USH2A: variants seen among roughly 807,000 people sequenced by gnomAD.
USH2A encodes Usher syndrome 2A (autosomal recessive, mild).
USH2A carries 443 observed loss-of-function variants against 538.9 expected under a neutral mutation model. The ratio of observed to expected loss-of-function variants is 0.82; its 90% confidence interval spans 0.76 to 0.89. The LOEUF is 0.89. USH2A is among the 40% of genes least tolerant of loss of function. The probability of loss-of-function intolerance (pLI) is 0.00; values close to 1 mark genes in which losing one functional copy is unlikely to be tolerated. For synonymous variants in USH2A, 2,413 were observed against 2,273.5 expected (o/e 1.06, Z -1.75); for missense variants, 6,633 against 6,324.8 (o/e 1.05, Z -1.65).
At position 216,175,305 on chromosome 1, in the gene USH2A, T is replaced by C. The variant is rs1176557166; in HGVS notation, c.4574A>G (p.Asn1525Ser). The C allele has an allele frequency of 6.2e-7, 1 of 1,613,776 alleles. No homozygotes were observed. The highest frequency in any genetic ancestry group is 2.2e-5 in the East Asian group (1 of 44,782). ...GGAGCTGGGAAATTTACAATACCCATTTCCTATGAAACGGATTCCTTTCAT... is the reference window on the plus strand; with the variant it reads ...GGAGCTGGGAAATTTACAATACCCACTTCCTATGAAACGGATTCCTTTCAT... ...TMMKGIRFIG[N>S]GYCKFPSSTH... The change falls in exon 21 of 72, where the codon AAT becomes AGT. Residue 1525 changes from asparagine to serine, a missense_variant. Coordinates refer to ENST00000307340, the MANE Select transcript of USH2A (RefSeq NM_206933.4).
At chr1:216,111,510 TC>T (rs2032869614) in intron 21 of USH2A, among the ~76,000 whole-genome samples, 1 of 152,090 alleles carries the variant, frequency 6.6e-6, no homozygotes, top group Non-Finnish European at 1.5e-5. Context: ...TAAAGCATGT[TC>T]TTTGACTCAT....
chr1:216,190,458 C>A, intron 19 of USH2A, 91 bp from the exon 20 acceptor site: 4 of 1,514,842 alleles, frequency 2.6e-6, no homozygotes, highest in Non-Finnish European at 2.7e-6. Context: ...TCCATGAATT[C>A]AGACAGAGGG....
intron 38 of USH2A, among the ~76,000 whole-genome samples, chr1:215,930,636 C>T (rs1293022257): frequency 6.6e-6 from 1 of 151,922 alleles, no homozygotes; most frequent in East Asian, 1.9e-4. Flanking sequence ...GATCAATTGC[C>T]AATCCATACA....
chr1:215,951,264 C>T (rs1666905412), intron 37 of USH2A, among the ~76,000 whole-genome samples: 1 of 152,190 alleles, frequency 6.6e-6, no homozygotes, highest in Admixed American at 6.5e-5. Context: ...TCTTTGTTCT[C>T]ATTGGTTTCA....
chr1:215,774,876 A>T (rs1661414421), intron 55 of USH2A, among the ~76,000 whole-genome samples: 1 of 152,166 alleles, frequency 6.6e-6, no homozygotes, highest in Non-Finnish European at 1.5e-5. Flanking sequence ...TTAAAACACA[A>T]AAAAGTGGTT....
At chr1:216,048,745 G>A in intron 30 of USH2A, 98 bp from the exon 31 acceptor site, 4 of 1,029,158 alleles carry the variant, frequency 3.9e-6, no homozygotes, top group Non-Finnish European at 4.6e-6. Flanking sequence ...AAGAGAGAGA[G>A]ACAAAAACAA....
chr1:215,851,635 A>G (rs1664017589), intron 44 of USH2A, among the ~76,000 whole-genome samples: 2 of 152,178 alleles, frequency 1.3e-5, no homozygotes, highest in Non-Finnish European at 2.9e-5. Flanking sequence ...TACCAATCAT[A>G]TTGACACTAT....
chr1:216,105,936 T>G (rs2032719639), intron 21 of USH2A, among the ~76,000 whole-genome samples: 1 of 151,776 alleles, frequency 6.6e-6, no homozygotes, highest in Admixed American at 6.6e-5. Flanking sequence ...AACATTGTAT[T>G]CTGCAATCTT....
chr1:216,217,678 G>T, intron 14 of USH2A, 128 bp from the exon 15 acceptor site: 1 of 1,071,140 alleles, frequency 9.3e-7, no homozygotes, highest in Non-Finnish European at 1.4e-6. Flanking sequence ...TGAAAAGAAT[G>T]CTTGAGCTAA....
intron 21 of USH2A, among the ~76,000 whole-genome samples, chr1:216,154,529 T>A (rs1164124418): frequency 6.6e-6 from 1 of 152,184 alleles, no homozygotes; most frequent in Non-Finnish European, 1.5e-5. Flanking sequence ...TTAATTTTAG[T>A]GAGATAAAAA....
chr1:215,844,624 T>A, intron 45 of USH2A, 128 bp from the exon 46 acceptor site: 1 of 946,654 alleles, frequency 1.1e-6, no homozygotes. Context: ...CTGATGAAGT[T>A]ATCACAGTCT....
chr1:216,335,457 G>T (rs935919085), intron 4 of USH2A, among the ~76,000 whole-genome samples: 1 of 151,368 alleles, frequency 6.6e-6, no homozygotes, highest in Non-Finnish European at 1.5e-5. Context: ...AAATAAAATA[G>T]AGAATAGAAA....
intron 55 of USH2A, among the ~76,000 whole-genome samples, chr1:215,774,534 T>A (rs529024721): frequency 1.1e-4 from 16 of 152,100 alleles, no homozygotes; most frequent in African/African-American, 3.6e-4. Context: ...GTGACAGTAT[T>A]TTAATAAATA....
intron 37 of USH2A, among the ~76,000 whole-genome samples, chr1:215,949,810 G>T (rs1456823306): frequency 3.3e-5 from 5 of 152,110 alleles, no homozygotes; most frequent in African/African-American, 1.2e-4. Context: ...ATTTAAAATT[G>T]TAATGACTAA....
intron 49 of USH2A, among the ~76,000 whole-genome samples, chr1:215,804,934 C>T (rs1662450999): frequency 6.6e-6 from 1 of 152,112 alleles, no homozygotes; most frequent in Admixed American, 6.5e-5. Flanking sequence ...CACATATACA[C>T]CATGGAATAC....
chr1:215,946,346 A>G (rs960212244), intron 37 of USH2A, among the ~76,000 whole-genome samples: 4 of 152,212 alleles, frequency 2.6e-5, no homozygotes, highest in Non-Finnish European at 4.4e-5. Flanking sequence ...AGTTATATTC[A>G]TGGGACACTC....
At position 216,014,020 on chromosome 1, in the gene USH2A, T is replaced by C. The variant is rs74511677; in HGVS notation, c.6326-13458A>G. 2.7e-3 allele frequency among the ~76,000 whole-genome samples: 412 copies of C among 152,326 alleles called. 1 individual carries two copies. Among genetic ancestry groups the C allele is most frequent in the African/African-American group, 9.1e-3 (378 of 41,572 alleles). On this transcript the variant is annotated intron_variant, in intron 32 of 71. Coordinates refer to ENST00000307340, the MANE Select transcript of USH2A (RefSeq NM_206933.4). The stretch of plus-strand genomic sequence containing the variant: ...TACTGTCCATCCCAAAGTGGATTAT[T>C]CTCAATGTATTTCCATAAGAAGATG...
At chr1:216,194,407 C>T (rs1175192391) in intron 19 of USH2A, among the ~76,000 whole-genome samples, 3 of 152,096 alleles carry the variant, frequency 2.0e-5, no homozygotes, top group East Asian at 3.9e-4. Context: ...TCTTGCTGGT[C>T]GCCATCAATG....
rs1028873497 is a variant in USH2A at position 215,712,142 on chromosome 1, T to A, written c.12066+15888A>T. 2.6e-5 allele frequency among the ~76,000 whole-genome samples: 4 copies of A among 152,168 alleles called. No individual in the cohort carries two copies. In the East Asian group the frequency reaches 7.7e-4, roughly 29 times the overall value. On this transcript the variant is annotated intron_variant, in intron 61 of 71. Transcript: ENST00000307340. ...AGCGACTCCCAACCCAAATATGCTA[T>A]CATATTTCTAAAATGTGGTAGGCCA... is the stretch of plus-strand genomic sequence containing the variant.
Sources: gnomAD v4.1 joint callset for allele counts (sites outside exome capture counted in the v4.1 genomes callset) on GRCh38, gnomAD v4.1.1 for gene constraint, MANE v1.5 for transcripts, NCBI Gene and HGNC (gene_info 2026-07-23, HGNC 2026-07-21) for gene names.